EIF3E: variants seen among roughly 807,000 people sequenced by gnomAD.
EIF3E encodes eukaryotic translation initiation factor 3 subunit E.
Under a neutral mutation model 59.3 loss-of-function variants are expected in EIF3E, and 25 were observed. The observed-to-expected ratio is 0.42, with a 90% confidence interval of 0.31 to 0.59. The LOEUF (loss-of-function observed/expected upper bound fraction) is 0.59. EIF3E is among the 20% of genes least tolerant of loss of function. EIF3E has a pLI of 0.15. For missense variants in EIF3E, 317 were observed against 534.3 expected, an observed-to-expected ratio of 0.59 and a Z score of 4.01; for synonymous variants, 176 against 170.2, an observed-to-expected ratio of 1.03 and a Z score of -0.26.
In EIF3E at chr8:108,241,836, A is replaced by G; in HGVS notation, c.168T>C (p.Asp56=). The G allele has an allele frequency of 1.3e-6, 2 of 1,599,254 alleles. No homozygotes were observed. The highest frequency in any genetic ancestry group is 1.8e-5 in the Admixed American group (1 of 56,450). ...SDTNMVDFAM[D]VYKNLYSDDI... ...CATCAGAATAAAGGTTTTTGTATAC[A>G]TCCATAGCAAAGTCTACCATGTTGG... is the stretch of plus-strand genomic sequence containing the variant. The change falls in exon 2 of 13, where the codon GAT becomes GAC. Residue 56 remains aspartate, a synonymous_variant. Coordinates refer to ENST00000220849, the MANE Select transcript of EIF3E (RefSeq NM_001568.3).
chr8:108,231,375 C>G (rs745510301), intron 5 of EIF3E, among the ~76,000 whole-genome samples: 2 of 152,102 alleles, frequency 1.3e-5, no homozygotes, highest in African/African-American at 2.4e-5. Flanking sequence ...ACAATTCTTA[C>G]AGTGACATCA....
chr8:108,201,219 T>G lies in EIF3E; in HGVS notation c.*666A>C, dbSNP rs1814987839. 7.0e-6 allele frequency: 1 copy of G among 142,806 alleles called. No individual in the cohort carries two copies. The highest frequency in any genetic ancestry group is 2.7e-5 in the African/African-American group (1 of 37,108). 8.8% of individuals were successfully genotyped at this position (142,806 alleles called of 1,614,324 possible). On this transcript the variant is annotated 3_prime_UTR_variant, in exon 13 of 13. Coordinates refer to ENST00000220849, the MANE Select transcript of EIF3E (RefSeq NM_001568.3). ...GGCACATCAATACCATGGAATACTA[T>G]TTGGCAATAAAAAAGGAATTAACTA...
At chr8:108,244,381 T>C (rs1017527753) in intron 1 of EIF3E, among the ~76,000 whole-genome samples, 5 of 152,226 alleles carry the variant, frequency 3.3e-5, no homozygotes, top group Non-Finnish European at 5.9e-5. Context: ...TGAAAACATA[T>C]TACTTTTTAA....
chr8:108,242,184 T>C, intron 1 of EIF3E: 2 of 1,334,258 alleles, frequency 1.5e-6, no homozygotes, highest in Non-Finnish European at 2.0e-6. Context: ...CCTTATTTTT[T>C]ATGTGTCCCT....
chr8:108,201,875 T>A lies in EIF3E; in HGVS notation c.*10A>T. 6.5e-7 allele frequency: 1 copy of A among 1,543,050 alleles called. No individual in the cohort carries two copies. The highest frequency in any genetic ancestry group is 8.7e-7 in the Non-Finnish European group (1 of 1,145,810). On this transcript the variant is annotated 3_prime_UTR_variant, in exon 13 of 13. Coordinates refer to ENST00000220849, the MANE Select transcript of EIF3E (RefSeq NM_001568.3). ...GATAGTTTTTTTTTTCATCTTTTCT[T>A]TATGGTTCTTCAGTAGAAGCCAGAA...
intron 1 of EIF3E, among the ~76,000 whole-genome samples, chr8:108,243,698 G>C (rs1815889905): frequency 6.7e-6 from 1 of 149,678 alleles, no homozygotes; most frequent in Non-Finnish European, 1.5e-5. Flanking sequence ...TCTGAGTGGT[G>C]GTCACATAAA....
chr8:108,206,924 C>T (rs893512970), intron 10 of EIF3E, among the ~76,000 whole-genome samples: 1 of 152,142 alleles, frequency 6.6e-6, no homozygotes, highest in African/African-American at 2.4e-5. Flanking sequence ...TTGCAACAAG[C>T]ATCAAGATCC....
At position 108,229,049 on chromosome 8, in the gene EIF3E, CTG is replaced by C. The variant is rs770410291; in HGVS notation, c.597+19_597+20del. The C allele has an allele frequency of 5.3e-4, 847 of 1,584,268 alleles. No individual in the cohort carries two copies. The highest frequency in any genetic ancestry group is 7.0e-4 in the Non-Finnish European group (820 of 1,164,336). On this transcript the variant is annotated intron_variant, in intron 6 of 12. Transcript: ENST00000220849. ...GATACACAGATATTTCAGAGAATAA[CTG>C]TGAAAAAGTCGAACTCACATTATTA...
rs563908442 is a variant in EIF3E at position 108,220,484 on chromosome 8, T to C, written c.723-3024A>G. Among the ~76,000 whole-genome samples, 4 of 152,354 alleles carry C rather than the reference T, an allele frequency of 2.6e-5. No individual in the cohort carries two copies. In the South Asian group the frequency reaches 8.3e-4, roughly 32 times the overall value. On this transcript the variant is annotated intron_variant, in intron 7 of 12. Coordinates refer to ENST00000220849, the MANE Select transcript of EIF3E (RefSeq NM_001568.3). ...TTTTAACTTCTGACAGAACACAAAA[T>C]GTGTAAAGCAGCTGGCTTTTTATTA...
intron 10 of EIF3E, 64 bp downstream of exon 10, chr8:108,214,543 C>A: frequency 7.9e-7 from 1 of 1,267,910 alleles, no homozygotes; most frequent in Non-Finnish European, 1.1e-6. Context: ...TGTAAATTCA[C>A]AATAAATGGA....
intron 4 of EIF3E, among the ~76,000 whole-genome samples, chr8:108,235,917 C>A (rs1815722640): frequency 6.6e-6 from 1 of 152,292 alleles, no homozygotes; most frequent in East Asian, 1.9e-4. Context: ...CCAACTATTA[C>A]AACTCTGGAA....
intron 5 of EIF3E, among the ~76,000 whole-genome samples, chr8:108,232,891 A>G (rs1201533937): frequency 7.2e-6 from 1 of 139,644 alleles, no homozygotes; most frequent in African/African-American, 2.4e-5. Context: ...CTGTGCTGGA[A>G]CTCTAACATG....
intron 10 of EIF3E, among the ~76,000 whole-genome samples, chr8:108,208,194 C>T (rs1038077557): frequency 2.6e-5 from 4 of 152,080 alleles, no homozygotes; most frequent in Non-Finnish European, 5.9e-5. Flanking sequence ...TCTGATATTT[C>T]ACCTGTCTTA....
chr8:108,215,342 G>C (rs1201652279), intron 9 of EIF3E, among the ~76,000 whole-genome samples: 1 of 151,990 alleles, frequency 6.6e-6, no homozygotes, highest in Non-Finnish European at 1.5e-5. Flanking sequence ...AGGGAGGCCA[G>C]GTGCGGTGGC....
At chr8:108,245,567 G>T (rs1013920669) in intron 1 of EIF3E, among the ~76,000 whole-genome samples, 1 of 152,002 alleles carries the variant, frequency 6.6e-6, no homozygotes, top group Non-Finnish European at 1.5e-5. Context: ...TGAGATTGGT[G>T]GTAGTATTAA....
At chr8:108,227,384 C>G (rs1477867126) in intron 7 of EIF3E, 4 of 152,046 alleles carry the variant, frequency 2.6e-5, no homozygotes, top group African/African-American at 9.7e-5. Flanking sequence ...ATAACTCATA[C>G]CATGAAGCAA....
At chr8:108,238,836 G>C (rs1815784524) in intron 3 of EIF3E, among the ~76,000 whole-genome samples, 1 of 152,176 alleles carries the variant, frequency 6.6e-6, no homozygotes, top group Non-Finnish European at 1.5e-5. Context: ...AATTCCTCAA[G>C]TGAATTTACT....
chr8:108,214,849 T>G (rs1217944803), intron 9 of EIF3E, 133 bp from the exon 10 acceptor site: 2 of 706,828 alleles, frequency 2.8e-6, no homozygotes, highest in East Asian at 2.9e-5. Flanking sequence ...TCTAGAACAC[T>G]GTGTTCAAAT....
At chr8:108,203,224 A>G (rs1191943530) in intron 11 of EIF3E, 107 bp from the exon 12 acceptor site, 1 of 896,402 alleles carries the variant, frequency 1.1e-6, no homozygotes, top group Admixed American at 3.1e-5. Flanking sequence ...CACTGTATAG[A>G]GATGACAATA....
Sources: allele counts gnomAD v4.1 joint callset (sites outside exome capture counted in the v4.1 genomes callset), GRCh38; gene constraint gnomAD v4.1.1; transcripts MANE v1.5; gene names NCBI Gene and HGNC (gene_info 2026-07-23, HGNC 2026-07-21).